The following SLC3A2 variants were observed in gnomAD, a reference collection of about 807,000 sequenced individuals.
The protein encoded by SLC3A2 is solute carrier family 3 member 2, also known as amino acid transporter heavy chain SLC3A2.
Under a neutral mutation model 48.5 loss-of-function variants are expected in SLC3A2, and 32 were observed. That is an observed-to-expected ratio of 0.66 (90% CI 0.50 to 0.89). SLC3A2 has a LOEUF of 0.89. Among genes scored for constraint, SLC3A2 ranks in the 40% least tolerant of loss-of-function variants. SLC3A2 has a pLI of 0.00. For synonymous variants in SLC3A2, 277 were observed against 288.8 expected (o/e 0.96, Z 0.41); for missense variants, 587 against 680.7 (o/e 0.86, Z 1.53).
At chr11:62,883,033 G>T (rs1447526454) in intron 3 of SLC3A2, 34 bp downstream of exon 3, 1 of 1,591,634 alleles carries the variant, frequency 6.3e-7, no homozygotes, top group Non-Finnish European at 8.6e-7. Context: ...GTGGAAGTCA[G>T]ATGCTGGGGC....
At chr11:62,871,521 T>G (rs2085516580) in intron 1 of SLC3A2, 1 of 567,136 alleles carries the variant, frequency 1.8e-6, no homozygotes, top group African/African-American at 2.0e-5. Context: ...ATTACAGGCG[T>G]GAGCCACTGT....
chr11:62,867,322 C>CTTTTTTTTT (rs56758000), intron 1 of SLC3A2, among the ~76,000 whole-genome samples: 159 of 67,490 alleles, frequency 2.4e-3, no homozygotes, highest in Non-Finnish European at 3.4e-3. Context: ...CTTTTCTTTT[C>CTTTTTTTTT]TTTTTTTTTT....
chr11:62,866,729 G>A (rs1416425359), intron 1 of SLC3A2, among the ~76,000 whole-genome samples: 1 of 152,102 alleles, frequency 6.6e-6, no homozygotes, highest in African/African-American at 2.4e-5. Context: ...AATAGTATCT[G>A]TTCTTATCCT....
Position 62,884,661 on chromosome 11 carries a change from A to T in SLC3A2, c.789A>T (p.Gln263His). Residue 263 changes from glutamine to histidine, a missense_variant, in exon 5 of 9, where the codon CAA (glutamine) becomes CAT (histidine). Gln to His is a conservative substitution (Grantham distance 24). Transcript: ENST00000338663. The part of the protein sequence containing the change: ...KDASSFLAEW[Q>H]NITKGFSEDR... ...CATCCTCATTCTTGGCTGAGTGGCAAAATATCACCAAGGGCTTCAGTGAAG... is the reference window on the plus strand; with the variant it reads ...CATCCTCATTCTTGGCTGAGTGGCATAATATCACCAAGGGCTTCAGTGAAG... The T allele has an allele frequency of 1.2e-6, 2 of 1,608,912 alleles. No homozygotes were observed. Among genetic ancestry groups the T allele is most frequent in the Non-Finnish European group, 1.7e-6 (2 of 1,176,550 alleles).
chr11:62,856,414 TC>T, intron 1 of SLC3A2: 1 of 1,567,798 alleles, frequency 6.4e-7, no homozygotes. Flanking sequence ...CGGGAGGAGG[TC>T]CCCTTTGGTG....
chr11:62,884,309 A>G, intron 3 of SLC3A2, 148 bp from the exon 4 acceptor site: 1 of 739,262 alleles, frequency 1.4e-6, no homozygotes, highest in Non-Finnish European at 2.4e-6. Context: ...AAGCCTTTGT[A>G]GTGCAGGTGG....
chr11:62,857,344 C>T (rs1211047171), intron 1 of SLC3A2, among the ~76,000 whole-genome samples: 4 of 151,428 alleles, frequency 2.6e-5, no homozygotes, highest in Non-Finnish European at 4.4e-5. Flanking sequence ...AGGCTGCTCT[C>T]GAACTACTGA....
exon 1 of SLC3A2, chr11:62,856,196 C>T: frequency 8.4e-7 from 1 of 1,187,860 alleles, no homozygotes; most frequent in Non-Finnish European, 1.2e-6. Flanking sequence ...ACGGTCACGA[C>T]TGCCTACCCT....
At chr11:62,879,190 G>A (rs1385633578), upstream of SLC3A2, among the ~76,000 whole-genome samples, 1 of 152,014 alleles carries the variant, frequency 6.6e-6, no homozygotes, top group Non-Finnish European at 1.5e-5. Flanking sequence ...GCCACAGCAT[G>A]AGAAGTGGGA....
intron 1 of SLC3A2, among the ~76,000 whole-genome samples, chr11:62,869,029 G>A (rs1288990999): frequency 6.6e-6 from 1 of 151,818 alleles, no homozygotes; most frequent in Non-Finnish European, 1.5e-5. Context: ...CTCCCGAATA[G>A]CTGGGACGAC....
chr11:62,856,659 A>G (rs961278109), intron 1 of SLC3A2, among the ~76,000 whole-genome samples: 6 of 152,156 alleles, frequency 3.9e-5, no homozygotes, highest in African/African-American at 1.4e-4. Context: ...CATTTTATTG[A>G]TGGGGAACCC....
At chr11:62,857,099 A>G (rs2085338544) in intron 1 of SLC3A2, among the ~76,000 whole-genome samples, 1 of 152,038 alleles carries the variant, frequency 6.6e-6, no homozygotes, top group Non-Finnish European at 1.5e-5. Context: ...CTGGGATTAC[A>G]GGCGTGAGCC....
intron 1 of SLC3A2, among the ~76,000 whole-genome samples, chr11:62,871,299 C>T (rs541132106): frequency 1.4e-4 from 20 of 147,002 alleles, no homozygotes; most frequent in Non-Finnish European, 2.2e-4. Context: ...AGTGCAGTGG[C>T]GTGATCTTGG....
At position 62,888,504 on chromosome 11, in the gene SLC3A2, C is replaced by G. The variant is rs1490255187; in HGVS notation, c.1401C>G (p.Asn467Lys). 1 of 1,614,232 alleles carries G rather than the reference C, an allele frequency of 6.2e-7. No individual in the cohort carries two copies. Among genetic ancestry groups the G allele is most frequent in the Admixed American group, 1.7e-5 (1 of 60,026 alleles). The change falls in exon 9 of 9, where the codon AAC (asparagine) becomes AAG (lysine). Residue 467 changes from asparagine to lysine, a missense_variant. By Grantham distance (94) the Asn-to-Lys change is moderately conservative. Transcript: ENST00000338663. ...DQNERFLVVLNFGDVGLSAGL... is the reference protein window; with the variant it reads ...DQNERFLVVLKFGDVGLSAGL... ...ATGAGCGTTTTCTGGTAGTGCTTAA[C>G]TTTGGGGATGTGGGCCTCTCGGCTG...
intron 1 of SLC3A2, among the ~76,000 whole-genome samples, chr11:62,858,397 T>C (rs1433503419): frequency 6.6e-6 from 1 of 152,198 alleles, no homozygotes; most frequent in African/African-American, 2.4e-5. Context: ...CAGAATTGTG[T>C]ATTTACTCAC....
intron 1 of SLC3A2, among the ~76,000 whole-genome samples, chr11:62,859,915 CAG>C (rs745524539): frequency 2.6e-5 from 4 of 152,136 alleles, no homozygotes; most frequent in Non-Finnish European, 5.9e-5. Flanking sequence ...AAATAAGACA[CAG>C]AGACAAAGTA....
Position 62,871,502 on chromosome 11 carries a change from A to G in SLC3A2, c.113-9517A>G, listed in dbSNP as rs2085516345. 1.5e-5 allele frequency: 7 copies of G among 478,396 alleles called. No individual in the cohort carries two copies. The Admixed American group carries it at 2.0e-4, about 14-fold the overall frequency. 29.6% of individuals were successfully genotyped at this position (478,396 alleles called of 1,614,324 possible). A position where few individuals can be genotyped will look rare whatever the true frequency, so the allele number is the denominator to read the frequency against. ...TTATCCGCCCGTCTCGGCCTCCCAA[A>G]GTGCTGGGATTACAGGCGTGAGCCA... On this transcript the variant is annotated intron_variant, in intron 1 of 9. Transcript: ENST00000377889.
At chr11:62,885,027 C>G in intron 5 of SLC3A2, 150 bp from the exon 6 acceptor site, 2 of 790,354 alleles carry the variant, frequency 2.5e-6, no homozygotes, top group Non-Finnish European at 4.0e-6. Flanking sequence ...GACGGGGTTT[C>G]TCCATGTTGG....
intron 1 of SLC3A2, among the ~76,000 whole-genome samples, chr11:62,859,287 C>T (rs2085372542): frequency 6.6e-6 from 1 of 152,162 alleles, no homozygotes; most frequent in African/African-American, 2.4e-5. Context: ...GCACATCTCG[C>T]ACCGCCCTTA....
Sources: gnomAD v4.1 joint callset for allele counts (sites outside exome capture counted in the v4.1 genomes callset) on GRCh38, gnomAD v4.1.1 for gene constraint, MANE v1.5 for transcripts, NCBI Gene and HGNC (gene_info 2026-07-23, HGNC 2026-07-21) for gene names.